SAMSN1: variants seen among roughly 807,000 people sequenced by gnomAD.
The protein encoded by SAMSN1 is SAM domain-containing protein SAMSN-1.
Under a neutral mutation model 42.0 loss-of-function variants are expected in SAMSN1, and 31 were observed. That is an observed-to-expected ratio of 0.74 (90% confidence interval 0.55 to 1.00). The LOEUF (loss-of-function observed/expected upper bound fraction) is 1.00, where lower values mean the gene tolerates loss of function less well. Ranked by LOEUF, SAMSN1 falls within the 50% of genes least tolerant of loss-of-function variation. SAMSN1 has a pLI of 0.00. For missense variants in SAMSN1, 464 were observed against 439.4 expected (o/e 1.06, Z -0.50); for synonymous variants, 178 against 151.9 (o/e 1.17, Z -1.26).
intron 2 of SAMSN1, among the ~76,000 whole-genome samples, chr21:14,577,238 G>GCATATATA (rs1555838740): frequency 3.5e-5 from 1 of 28,190 alleles, no homozygotes; most frequent in East Asian, 1.0e-3. Context: ...ATATATGTGT[G>GCATATATA]TATATATATA....
intron 7 of SAMSN1, chr21:14,593,848 C>T (rs1390991891): frequency 1.2e-5 from 5 of 419,424 alleles, no homozygotes; most frequent in African/African-American, 2.0e-5. Context: ...GAAAACCACT[C>T]AGTAAGGACA....
intron 1 of SAMSN1, among the ~76,000 whole-genome samples, chr21:14,540,139 C>A (rs1183229856): frequency 6.6e-6 from 1 of 152,128 alleles, no homozygotes; most frequent in African/African-American, 2.4e-5. Context: ...ACAAAAATTA[C>A]TTCAAGATGG....
At chr21:14,653,211 A>G (rs1039798238) in intron 1 of SAMSN1, among the ~76,000 whole-genome samples, 1 of 151,914 alleles carries the variant, frequency 6.6e-6, no homozygotes. Context: ...TTGTTGCAGT[A>G]CTGTTACAAT....
At chr21:14,658,773 T>C (rs569204733) in exon 1 of SAMSN1, 8 of 715,642 alleles carry the variant, frequency 1.1e-5, no homozygotes, top group African/African-American at 7.0e-5. Flanking sequence ...AAGATTCATT[T>C]TGACCAGCTT....
At position 14,498,590 on chromosome 21, in the gene SAMSN1, T is replaced by C; in HGVS notation, c.771A>G (p.Glu257=). Residue 257 remains glutamate, a splice_region_variant and synonymous_variant, in exon 7 of 8, where the codon GAA becomes GAG. Transcript: ENST00000400566. The stretch of plus-strand genomic sequence containing the variant: ...CATTGAGCAAAAGTGTTGAGGTGTA[T>C]TCCTGTAAGACAAAAAATATAAAGC... ...QEFLERIHLQ[E]YTSTLLLNGY... 1 of 1,565,158 alleles carries C rather than the reference T, an allele frequency of 6.4e-7. No individual in the cohort carries two copies. The highest frequency in any genetic ancestry group is 8.6e-7 in the Non-Finnish European group (1 of 1,164,736).
At chr21:14,556,755 G>A (rs1018544501) in intron 2 of SAMSN1, among the ~76,000 whole-genome samples, 7 of 152,128 alleles carry the variant, frequency 4.6e-5, no homozygotes, top group African/African-American at 1.7e-4. Flanking sequence ...GTGGGAAGAG[G>A]AAACAAAAAT....
At chr21:14,614,550 G>A (rs1277882076) in intron 3 of SAMSN1, among the ~76,000 whole-genome samples, 1 of 152,146 alleles carries the variant, frequency 6.6e-6, no homozygotes, top group Non-Finnish European at 1.5e-5. Context: ...ATAGTCATGT[G>A]CTCGCTTCGG....
chr21:14,618,993 C>T (rs1022279486), intron 2 of SAMSN1, among the ~76,000 whole-genome samples: 3 of 152,016 alleles, frequency 2.0e-5, no homozygotes, highest in Non-Finnish European at 2.9e-5. Flanking sequence ...AATGAACCAA[C>T]AGAAACTAAG....
chr21:14,500,811 A>G (rs1450710817), intron 5 of SAMSN1, 76 bp from the exon 6 acceptor site: 4 of 1,132,862 alleles, frequency 3.5e-6, no homozygotes, highest in Non-Finnish European at 5.3e-6. Context: ...ATAGAAAACT[A>G]GAATAATGAG....
intron 2 of SAMSN1, among the ~76,000 whole-genome samples, chr21:14,634,459 A>G (rs1354496630): frequency 6.6e-6 from 1 of 152,174 alleles, no homozygotes; most frequent in Admixed American, 6.5e-5. Context: ...AACTTAAACA[A>G]ATTTCCAAGA....
At chr21:14,513,097 T>TAATA (rs1419958305) in intron 3 of SAMSN1, among the ~76,000 whole-genome samples, 16 of 152,186 alleles carry the variant, frequency 1.1e-4, no homozygotes, top group Non-Finnish European at 1.0e-4. Flanking sequence ...TTTACAAATC[T>TAATA]AATACCATGC....
chr21:14,490,949 T>C (rs550520298), intron 7 of SAMSN1, among the ~76,000 whole-genome samples: 10 of 152,156 alleles, frequency 6.6e-5, no homozygotes, highest in Non-Finnish European at 1.0e-4. Context: ...CTGGGCAATC[T>C]CATTAGACTG....
rs769159110 is a variant in SAMSN1 at position 14,609,467 on chromosome 21, A to C, written c.322+15T>G. On this transcript the variant is annotated intron_variant, in intron 5 of 15. Coordinates refer to the SAMSN1 transcript ENST00000647101. ...GGGAAAATGCAAAGTCAGCTGAACTAAATTTAGCAATTACCTTTTAGCTGA... is the reference window on the plus strand; with the variant it reads ...GGGAAAATGCAAAGTCAGCTGAACTCAATTTAGCAATTACCTTTTAGCTGA... 8 of 717,792 alleles carry C rather than the reference A, an allele frequency of 1.1e-5. No individual in the cohort carries two copies. The South Asian group carries it at 1.2e-4, about 11-fold the overall frequency. The allele number at this position is 717,792 out of a possible 1,614,324, so 44.5% of individuals were successfully genotyped here. A position where few individuals can be genotyped will look rare whatever the true frequency, so the allele number is the denominator to read the frequency against.
At chr21:14,634,379 A>T (rs1036700422) in intron 2 of SAMSN1, among the ~76,000 whole-genome samples, 1 of 152,154 alleles carries the variant, frequency 6.6e-6, no homozygotes, top group Non-Finnish European at 1.5e-5. Flanking sequence ...TGAACAGGCA[A>T]TCTACAGAAT....
chr21:14,523,692 A>G (rs376152850), intron 1 of SAMSN1, among the ~76,000 whole-genome samples: 4 of 152,284 alleles, frequency 2.6e-5, no homozygotes, highest in Non-Finnish European at 4.4e-5. Flanking sequence ...TGTAGCCTAT[A>G]TATAGCCTGT....
chr21:14,525,149 T>C (rs759497471), intron 1 of SAMSN1, among the ~76,000 whole-genome samples: 4 of 152,168 alleles, frequency 2.6e-5, no homozygotes, highest in Non-Finnish European at 5.9e-5. Context: ...CCTAATGCAA[T>C]GTTGGATCCA....
chr21:14,528,170 T>A (rs953739000), intron 1 of SAMSN1, among the ~76,000 whole-genome samples: 2 of 152,176 alleles, frequency 1.3e-5, no homozygotes, highest in African/African-American at 2.4e-5. Context: ...TATCGTGAAC[T>A]GCTCAATTTG....
At chr21:14,558,956 A>T (rs1980852297) in intron 2 of SAMSN1, among the ~76,000 whole-genome samples, 1 of 152,130 alleles carries the variant, frequency 6.6e-6, no homozygotes, top group Non-Finnish European at 1.5e-5. Context: ...AGGACTTCTA[A>T]TTCTGAACCC....
At chr21:14,518,151 G>A (rs1987999694) in intron 2 of SAMSN1, among the ~76,000 whole-genome samples, 1 of 152,188 alleles carries the variant, frequency 6.6e-6, no homozygotes, top group African/African-American at 2.4e-5. Flanking sequence ...TCCTTCAGTC[G>A]TCCAGGTTTC....
Sources: gnomAD v4.1 joint callset for allele counts (sites outside exome capture counted in the v4.1 genomes callset) on GRCh38, gnomAD v4.1.1 for gene constraint, MANE v1.5 for transcripts, NCBI Gene and HGNC (gene_info 2026-07-23, HGNC 2026-07-21) for gene names.